The following SYNJ1 variants were observed in gnomAD, a reference collection of about 807,000 sequenced individuals.
SYNJ1 encodes synaptojanin 1, also known as polyphosphatidylinositol phosphatase SYNJ1.
Under a neutral mutation model 168.2 loss-of-function variants are expected in SYNJ1, and 78 were observed. The ratio of observed to expected loss-of-function variants is 0.46; its 90% CI spans 0.39 to 0.56. The LOEUF is 0.56. Ranked by LOEUF, SYNJ1 falls within the 20% of genes least tolerant of loss-of-function variation. The pLI is 0.00. For synonymous variants in SYNJ1, 539 were observed against 548.6 expected (o/e 0.98, Z 0.24); for missense variants, 1,303 against 1,597.6 (o/e 0.82, Z 3.14).
intron 14 of SYNJ1, 129 bp downstream of exon 14, chr21:32,673,211 G>A (rs1601375529): frequency 1.5e-6 from 1 of 658,500 alleles, no homozygotes; most frequent in African/African-American, 1.9e-5. Context: ...AGATGTTGTT[G>A]GTCTTCAAAT....
intron 23 of SYNJ1, among the ~76,000 whole-genome samples, chr21:32,649,302 G>A (rs1054126630): frequency 1.1e-4 from 17 of 152,184 alleles, no homozygotes; most frequent in Non-Finnish European, 4.4e-5. Flanking sequence ...CAGATAATGT[G>A]AAAATGAGAT....
At chr21:32,632,287 A>G (rs1338105274) in intron 32 of SYNJ1, among the ~76,000 whole-genome samples, 1 of 152,270 alleles carries the variant, frequency 6.6e-6, no homozygotes, top group Non-Finnish European at 1.5e-5. Context: ...TTTTATAGAT[A>G]AAATTAATTC....
At chr21:32,690,295 C>T (rs980221603) in intron 6 of SYNJ1, among the ~76,000 whole-genome samples, 2 of 152,182 alleles carry the variant, frequency 1.3e-5, no homozygotes, top group Non-Finnish European at 2.9e-5. Context: ...GCAGCCTCGA[C>T]CTCCTGGGCT....
At chr21:32,689,595 C>T (rs2041952103) in intron 6 of SYNJ1, among the ~76,000 whole-genome samples, 1 of 152,216 alleles carries the variant, frequency 6.6e-6, no homozygotes, top group Non-Finnish European at 1.5e-5. Flanking sequence ...GCGCCCCGCG[C>T]AAAGTGCTTT....
chr21:32,709,727 A>T (rs1480207034), intron 2 of SYNJ1, among the ~76,000 whole-genome samples: 2 of 151,672 alleles, frequency 1.3e-5, no homozygotes, highest in Non-Finnish European at 2.9e-5. Flanking sequence ...CATTTTGGCT[A>T]GGCTGGTCTT....
intron 2 of SYNJ1, among the ~76,000 whole-genome samples, chr21:32,723,484 C>T (rs1237855817): frequency 6.6e-6 from 1 of 152,178 alleles, no homozygotes; most frequent in Non-Finnish European, 1.5e-5. Context: ...AAAACACCTA[C>T]ATATGAGCAT....
At position 32,645,844 on chromosome 21, in the gene SYNJ1, G is replaced by A. The variant is rs1476855453; in HGVS notation, c.3248-55C>T. 9.2e-6 allele frequency: 14 copies of A among 1,522,432 alleles called. No individual in the cohort carries two copies. The East Asian group carries it at 3.2e-4, about 35-fold the overall frequency. The allele number at this position is 1,522,432 out of a possible 1,614,324, so 94.3% of individuals were successfully genotyped here. A position where few individuals can be genotyped will look rare whatever the true frequency, so the allele number is the denominator to read the frequency against. Reference sequence around the variant, plus strand: ...AGCTTCTAAGTAGCTGTTGACAGAAGGGAACAGTCCTTCATATATATGTGT... The same window carrying A: ...AGCTTCTAAGTAGCTGTTGACAGAAAGGAACAGTCCTTCATATATATGTGT... On this transcript the variant is annotated intron_variant, in intron 24 of 32. Transcript: ENST00000674351.
chr21:32,671,328 G>A (rs2041179697), intron 14 of SYNJ1, among the ~76,000 whole-genome samples: 1 of 151,442 alleles, frequency 6.6e-6, no homozygotes, highest in Non-Finnish European at 1.5e-5. Context: ...AAAAAGAAGA[G>A]CCTATAAATA....
intron 2 of SYNJ1, among the ~76,000 whole-genome samples, chr21:32,723,045 C>A (rs1360258750): frequency 6.6e-6 from 1 of 152,154 alleles, no homozygotes; most frequent in African/African-American, 2.4e-5. Flanking sequence ...GGGGCTAGAG[C>A]CCAGACAGTA....
At chr21:32,706,676 G>A (rs1295057756) in intron 2 of SYNJ1, among the ~76,000 whole-genome samples, 1 of 151,832 alleles carries the variant, frequency 6.6e-6, no homozygotes, top group Non-Finnish European at 1.5e-5. Flanking sequence ...CGTTAATAAG[G>A]TAAACTCTTC....
chr21:32,699,737 C>A (rs2146211309), intron 4 of SYNJ1, 101 bp downstream of exon 4: 4 of 1,421,088 alleles, frequency 2.8e-6, no homozygotes, highest in Non-Finnish European at 3.8e-6. Flanking sequence ...CTTCAGGGTT[C>A]TTCCTCCTTT....
At chr21:32,709,477 CAAAA>C (rs35527256) in intron 2 of SYNJ1, among the ~76,000 whole-genome samples, 1 of 39,430 alleles carries the variant, frequency 2.5e-5, no homozygotes, top group African/African-American at 9.1e-5. Flanking sequence ...GACTCTGTCT[CAAAA>C]AAAAAAAAAA....
At chr21:32,658,492 AC>A (rs2040549247) in intron 18 of SYNJ1, 1 of 152,266 alleles carries the variant, frequency 6.6e-6, no homozygotes, top group African/African-American at 2.4e-5. Flanking sequence ...CGTTCATGTG[AC>A]CTCATTCCTC....
At chr21:32,657,667 C>T in intron 19 of SYNJ1, 49 bp downstream of exon 19, 2 of 1,499,492 alleles carry the variant, frequency 1.3e-6, no homozygotes, top group South Asian at 1.4e-5. Context: ...TCCCTGCTTC[C>T]TCATAAGTTT....
intron 6 of SYNJ1, among the ~76,000 whole-genome samples, chr21:32,689,951 T>C (rs1219564754): frequency 1.3e-5 from 2 of 152,244 alleles, no homozygotes; most frequent in Non-Finnish European, 2.9e-5. Context: ...ACTCACAAGT[T>C]GATACTTTTT....
chr21:32,636,650 G>A (rs776494049), intron 31 of SYNJ1, among the ~76,000 whole-genome samples: 4 of 151,412 alleles, frequency 2.6e-5, no homozygotes, highest in South Asian at 2.1e-4. Flanking sequence ...ATTATTTTAC[G>A]GTTCAAAATT....
intron 6 of SYNJ1, among the ~76,000 whole-genome samples, chr21:32,692,893 T>C (rs1055755761): frequency 5.9e-5 from 9 of 151,814 alleles, no homozygotes; most frequent in African/African-American, 2.2e-4. Context: ...CTACAAAAAA[T>C]AGTGGTATGT....
chr21:32,664,318 C>T (rs536660490), intron 18 of SYNJ1, among the ~76,000 whole-genome samples: 57 of 152,170 alleles, frequency 3.7e-4, no homozygotes, highest in African/African-American at 1.3e-3. Flanking sequence ...GGGAGGAGAC[C>T]ACCCCTCATA....
intron 3 of SYNJ1, among the ~76,000 whole-genome samples, chr21:32,700,466 C>G (rs2042359695): frequency 6.6e-6 from 1 of 152,052 alleles, no homozygotes; most frequent in Non-Finnish European, 1.5e-5. Context: ...ACCACCCTGA[C>G]TAACATGGAG....
Sources: allele counts gnomAD v4.1 joint callset (sites outside exome capture counted in the v4.1 genomes callset), GRCh38; gene constraint gnomAD v4.1.1; transcripts MANE v1.5; gene names NCBI Gene and HGNC (gene_info 2026-07-23, HGNC 2026-07-21).